MFSD11: variants seen among roughly 807,000 people sequenced by gnomAD.
MFSD11 encodes major facilitator superfamily domain containing 11.
A neutral mutation model predicts 53.5 loss-of-function variants in MFSD11; 36 were observed. That is an observed-to-expected ratio of 0.67 (90% CI 0.52 to 0.89). The LOEUF (loss-of-function observed/expected upper bound fraction) is 0.89, where lower values mean the gene tolerates loss of function less well. MFSD11 is among the 40% of genes least tolerant of loss of function. MFSD11 has a pLI of 0.00. For missense variants in MFSD11, 530 were observed against 543.9 expected (o/e 0.97, Z 0.25); for synonymous variants, 186 against 184.9 (o/e 1.01, Z -0.05).
At chr17:76,802,617 A>T in the MFSD11 span, among the ~76,000 whole-genome samples, 1 of 152,158 alleles carries the variant, frequency 6.6e-6, no homozygotes, top group African/African-American at 2.4e-5. Flanking sequence ...CATGGCTCAC[A>T]CTTGTAATCC....
chr17:76,779,936 G>C (rs142406259), downstream of MFSD11, among the ~76,000 whole-genome samples: 1 of 152,318 alleles, frequency 6.6e-6, no homozygotes, highest in East Asian at 1.9e-4. Flanking sequence ...GATCTGAGCT[G>C]CGTCATCAGG....
At chr17:76,737,020 C>T, upstream of MFSD11, 2 of 1,613,406 alleles carry the variant, frequency 1.2e-6, no homozygotes, top group Non-Finnish European at 1.7e-6. Flanking sequence ...TGTAGCGGTC[C>T]CGCGGGATGT....
Position 76,745,234 on chromosome 17 carries a change from G to C in MFSD11, c.641+768G>C, listed in dbSNP as rs1008483536. Among the ~76,000 whole-genome samples the C allele has an allele frequency of 5.9e-5, 9 of 152,358 alleles. No individual in the cohort carries two copies. In the East Asian group the frequency reaches 1.7e-3, roughly 29 times the overall value. ...AAAACTTTCGCATTGAGCATCCCAT[G>C]CTGACTTTGTAATCCAGAAAGGGCC... On this transcript the variant is annotated intron_variant, in intron 7 of 12. Coordinates refer to ENST00000685175, the MANE Select transcript of MFSD11 (RefSeq NM_001242532.5).
At chr17:76,751,020 C>G (rs924629927) in intron 7 of MFSD11, among the ~76,000 whole-genome samples, 1 of 151,672 alleles carries the variant, frequency 6.6e-6, no homozygotes, top group Non-Finnish European at 1.5e-5. Context: ...AGGCTGGTCT[C>G]AAACTCCTTA....
intron 8 of MFSD11, among the ~76,000 whole-genome samples, chr17:76,755,812 A>ATATATATATATATTTATT (rs1555669398): frequency 5.1e-5 from 1 of 19,542 alleles, no homozygotes; most frequent in Non-Finnish European, 9.7e-5. Context: ...ATATATATAT[A>ATATATATATATATTTATT]TTTTTTTTTT....
rs752123039 is a variant in MFSD11, at chr17:76,744,317, C to G, written c.497-5C>G. The G allele has an allele frequency of 1.2e-6, 2 of 1,604,248 alleles. No individual in the cohort carries two copies. The highest frequency in any genetic ancestry group is 1.7e-6 in the Non-Finnish European group (2 of 1,177,008). The stretch of plus-strand genomic sequence containing the variant: ...ACTATCTTGTTTCTTCTTTTTTCTC[C>G]GTAGAGAGTGACCGAAGAACAGTGT... On this transcript the variant is annotated splice_region_variant and splice_polypyrimidine_tract_variant and intron_variant, in intron 6 of 12. Coordinates refer to ENST00000685175, the MANE Select transcript of MFSD11 (RefSeq NM_001242532.5).
At chr17:76,753,967 C>T (rs545439042) in intron 7 of MFSD11, 80 bp from the exon 8 acceptor site, 83 of 1,238,164 alleles carry the variant, frequency 6.7e-5, no homozygotes, top group Middle Eastern at 2.3e-4. Flanking sequence ...TTTTTACGAA[C>T]GTAAATGAAA....
intron 8 of MFSD11, among the ~76,000 whole-genome samples, chr17:76,766,022 G>C (rs943369649): frequency 1.3e-5 from 2 of 150,296 alleles, no homozygotes; most frequent in African/African-American, 4.9e-5. Context: ...ACCTTTTATG[G>C]GTTTGTACAA....
the MFSD11 span, among the ~76,000 whole-genome samples, chr17:76,800,502 TTGTC>T: frequency 7.2e-5 from 11 of 152,154 alleles, no homozygotes; most frequent in Non-Finnish European, 1.5e-5. Flanking sequence ...GTGTGGCCAT[TTGTC>T]TGTGGGTAAT....
chr17:76,746,103 C>G (rs1200595792), intron 7 of MFSD11, among the ~76,000 whole-genome samples: 1 of 152,180 alleles, frequency 6.6e-6, no homozygotes, highest in East Asian at 1.9e-4. Flanking sequence ...CTCAAAAGAG[C>G]TACTCCAGGG....
chr17:76,773,141 G>T (rs1220749233), intron 10 of MFSD11: 1 of 152,324 alleles, frequency 6.6e-6, no homozygotes, highest in East Asian at 1.9e-4. Context: ...CAGGGGGACT[G>T]TCTGCAGCTC....
rs140283385 is a variant in MFSD11 at position 76,776,853 on chromosome 17, C to T, written c.1185+312C>T. Among the ~76,000 whole-genome samples, 3,925 of 151,970 alleles carry T rather than the reference C, an allele frequency of 0.026. 72 individuals are homozygous for T. Among genetic ancestry groups the T allele is most frequent in the Non-Finnish European group, 0.041 (2,814 of 67,914 alleles). On this transcript the variant is annotated intron_variant, in intron 12 of 12. Coordinates refer to ENST00000685175, the MANE Select transcript of MFSD11 (RefSeq NM_001242532.5). The surrounding 1 kb of genome is among the most constrained non-coding windows in gnomAD (Gnocchi z 4.2). ...TTTTAGCAGAGGCAGGGTTTCACCA[C>T]GTTGGTTAGGCTGGTCTCAAACTTC...
chr17:76,737,275 C>T, upstream of MFSD11: 1 of 1,389,874 alleles, frequency 7.2e-7, no homozygotes, highest in Non-Finnish European at 9.5e-7. Context: ...CTGGGAAAGG[C>T]CTTGCCGCAG....
intron 10 of MFSD11, among the ~76,000 whole-genome samples, chr17:76,770,162 C>T (rs1407794754): frequency 8.6e-5 from 13 of 151,302 alleles, no homozygotes; most frequent in Admixed American, 7.2e-4. Context: ...CTCAGCCTCC[C>T]GAGTAGCTGG....
chr17:76,754,476 A>G (rs2079374631), intron 8 of MFSD11, among the ~76,000 whole-genome samples: 1 of 152,126 alleles, frequency 6.6e-6, no homozygotes, highest in South Asian at 2.1e-4. Context: ...TGAGGTCGGG[A>G]GTTCAAGACC....
Position 76,744,419 on chromosome 17 carries a change from C to T in MFSD11, c.594C>T (p.Val198=). The T allele has an allele frequency of 1.2e-6, 2 of 1,613,176 alleles. No homozygotes were observed. Among genetic ancestry groups the T allele is most frequent in the South Asian group, 1.1e-5 (1 of 91,060 alleles). Residue 198 remains valine, a synonymous_variant, in exon 7 of 13, where the codon GTC becomes GTT. Transcript: ENST00000685175. ...FLIRKPDSEN[V]LGEDESSDDQ... The stretch of plus-strand genomic sequence containing the variant: ...TTCGGAAACCAGATTCTGAAAATGT[C>T]CTAGGAGAAGATGAGTCTTCTGATG...
At chr17:76,741,212 G>T in intron 3 of MFSD11, 148 bp downstream of exon 3, 1 of 600,744 alleles carries the variant, frequency 1.7e-6, no homozygotes, top group Admixed American at 3.1e-5. Context: ...TGTTGCTCAG[G>T]GATATCATAT....
chr17:76,768,223 G>A (rs2081044602), intron 9 of MFSD11, among the ~76,000 whole-genome samples: 1 of 150,470 alleles, frequency 6.6e-6, no homozygotes, highest in Admixed American at 6.7e-5. Flanking sequence ...AGAATCACCT[G>A]AGCTCAGTAA....
In MFSD11 at chr17:76,738,340, G is replaced by C; in HGVS notation, c.-13G>C. ...CTGCCCTGGGCTGCTGCCTCCGGCA[G>C]AGCTGAGCCAAAATGTCCCCGGAAT... On this transcript the variant is annotated 5_prime_UTR_variant, in exon 1 of 13. Coordinates refer to ENST00000685175, the MANE Select transcript of MFSD11 (RefSeq NM_001242532.5). The C allele has an allele frequency of 1.2e-6, 2 of 1,606,892 alleles. No individual in the cohort carries two copies. Among genetic ancestry groups the C allele is most frequent in the African/African-American group, 2.7e-5 (2 of 74,912 alleles).
Sources: gnomAD v4.1 joint callset for allele counts (sites outside exome capture counted in the v4.1 genomes callset) on GRCh38, gnomAD v4.1.1 for gene constraint, Gnocchi (gnomAD v3.1) non-coding constraint, MANE v1.5 for transcripts, NCBI Gene and HGNC (gene_info 2026-07-23, HGNC 2026-07-21) for gene names.